The following SLC16A5 variants were observed in gnomAD, a reference collection of about 807,000 sequenced individuals.
SLC16A5 encodes the protein monocarboxylate transporter 6.
A neutral mutation model predicts 33.2 loss-of-function variants in SLC16A5; 29 were observed. The observed-to-expected ratio is 0.87, with a 90% CI of 0.65 to 1.19. The LOEUF is 1.19. SLC16A5 is among the 50% of genes most tolerant of loss of function. SLC16A5 has a pLI of 0.00. For missense variants in SLC16A5, 606 were observed against 678.2 expected (o/e 0.89, Z 1.18); for synonymous variants, 248 against 284.1 (o/e 0.87, Z 1.28).
intron 2 of SLC16A5, among the ~76,000 whole-genome samples, chr17:75,092,775 C>T (rs1242606028): frequency 1.3e-5 from 2 of 150,584 alleles, no homozygotes; most frequent in African/African-American, 4.9e-5. Flanking sequence ...TGCGCTGTGA[C>T]TGTGTTTGTG....
intron 3 of SLC16A5, among the ~76,000 whole-genome samples, chr17:75,095,435 C>T (rs2073704699): frequency 6.6e-6 from 1 of 152,244 alleles, no homozygotes; most frequent in South Asian, 2.1e-4. Flanking sequence ...CTCATGTACA[C>T]ATACACGTGT....
chr17:75,090,879 G>A (rs1198036612), intron 2 of SLC16A5, among the ~76,000 whole-genome samples: 1 of 152,166 alleles, frequency 6.6e-6, no homozygotes, highest in Non-Finnish European at 1.5e-5. Flanking sequence ...CCGGAGGGAA[G>A]GTGGGATTCA....
At chr17:75,094,895 A>C (rs1180606960) in intron 3 of SLC16A5, among the ~76,000 whole-genome samples, 1 of 151,974 alleles carries the variant, frequency 6.6e-6, no homozygotes, top group African/African-American at 2.4e-5. Context: ...CCCTGACCCC[A>C]GCGTTGGGAG....
At chr17:75,103,544 G>A (rs918707464) in intron 5 of SLC16A5, among the ~76,000 whole-genome samples, 27 of 151,398 alleles carry the variant, frequency 1.8e-4, no homozygotes, top group African/African-American at 5.8e-4. Context: ...TGGCCAGGCT[G>A]GTCTTGAACT....
intron 3 of SLC16A5, 138 bp from the exon 4 acceptor site, chr17:75,097,900 G>T: frequency 1.1e-6 from 1 of 934,726 alleles, no homozygotes; most frequent in East Asian, 2.9e-5. Flanking sequence ...CATGGCAGGT[G>T]GGTATCAGAA....
At chr17:75,103,831 T>G (rs1486571288) in intron 5 of SLC16A5, 139 bp from the exon 6 acceptor site, 11 of 707,232 alleles carry the variant, frequency 1.6e-5, no homozygotes, top group Non-Finnish European at 2.7e-5. Context: ...TCTTCAAGTA[T>G]CTGTTGAGTG....
chr17:75,099,980 A>G (rs2073768483), intron 4 of SLC16A5, 27 bp from the exon 5 acceptor site: 6 of 1,590,900 alleles, frequency 3.8e-6, no homozygotes, highest in Non-Finnish European at 5.1e-6. Flanking sequence ...GTGCGCCTCC[A>G]GGCTGGTTTC....
At chr17:75,094,684 C>CAAAAA (rs10642740) in intron 3 of SLC16A5, among the ~76,000 whole-genome samples, 157 of 139,528 alleles carry the variant, frequency 1.1e-3, no homozygotes, top group African/African-American at 3.9e-3. Context: ...GAAACTGTCT[C>CAAAAA]AAAAAAAAAA....
Position 75,100,172 on chromosome 17 carries a change from G to T in SLC16A5, c.509G>T (p.Gly170Val), listed in dbSNP as rs762787336. ...RYLLENLGWR[G>V]TFLVFGGIFL... ...CTTCTGGAGAACCTGGGCTGGAGGG[G>T]TACCTTCCTTGTCTTCGGCGGGATC... The change falls in exon 5 of 7, where the codon GGT becomes GTT. Residue 170 changes from glycine to valine, a missense_variant. By Grantham distance (109) the Gly-to-Val change is moderately radical (BLOSUM62 -3). Transcript: ENST00000329783. 4 of 1,614,250 alleles carry T rather than the reference G, an allele frequency of 2.5e-6. No individual in the cohort carries two copies. The highest frequency in any genetic ancestry group is 3.4e-6 in the Non-Finnish European group (4 of 1,180,038).
chr17:75,105,418 T>C, intron 6 of SLC16A5: 1 of 985,400 alleles, frequency 1.0e-6, no homozygotes, highest in Non-Finnish European at 1.2e-6. Flanking sequence ...CAAGGGAAGC[T>C]CTTTTACTCC....
At chr17:75,097,183 GACAC>G (rs1161583894) in intron 3 of SLC16A5, among the ~76,000 whole-genome samples, 3 of 152,018 alleles carry the variant, frequency 2.0e-5, no homozygotes, top group Non-Finnish European at 4.4e-5. Flanking sequence ...CTCCACCGCA[GACAC>G]ACACAAGCAT....
rs2073762529 is a variant in SLC16A5, at chr17:75,099,529, C to T, written c.344-478C>T. Among the ~76,000 whole-genome samples the T allele has an allele frequency of 2.6e-5, 4 of 152,204 alleles. No homozygotes were observed. The South Asian group carries it at 8.3e-4, about 31-fold the overall frequency. On this transcript the variant is annotated intron_variant, in intron 4 of 6. Coordinates refer to ENST00000329783, the MANE Select transcript of SLC16A5 (RefSeq NM_004695.4). The stretch of plus-strand genomic sequence containing the variant: ...CAACCTCAGCTCACTGCAACCTCCA[C>T]TTCCCGGGTTCAAGTGATTCTCCTG...
chr17:75,105,020 C>G (rs1232960784), intron 6 of SLC16A5: 14 of 985,354 alleles, frequency 1.4e-5, no homozygotes, highest in Non-Finnish European at 1.7e-5. Context: ...CTAGGTTCCT[C>G]CTGCCCTGCT....
chr17:75,098,754 GAA>G (rs963507162), intron 4 of SLC16A5, among the ~76,000 whole-genome samples: 2 of 152,142 alleles, frequency 1.3e-5, no homozygotes, highest in East Asian at 1.9e-4. Flanking sequence ...ATCTAGGAAA[GAA>G]GAGAAAAAGG....
chr17:75,104,404 C>A, intron 6 of SLC16A5: 1 of 1,357,384 alleles, frequency 7.4e-7, no homozygotes, highest in Non-Finnish European at 9.5e-7. Flanking sequence ...CTGAAGATGC[C>A]CTGAGAAACT....
In SLC16A5 at chr17:75,090,395, G is replaced by C. The variant is rs527314183; in HGVS notation, c.-49+1091G>C. On this transcript the variant is annotated intron_variant, in intron 2 of 6. Transcript: ENST00000329783. ...ACAGGGAAGGCCATGTCTGCAGTGG[G>C]GGTCCCAGAGAGGCGGGGGAAGGGG... 53 of 152,484 alleles carry C rather than the reference G, an allele frequency of 3.5e-4. 1 individual carries two copies. Among genetic ancestry groups the C allele is most frequent in the African/African-American group, 1.3e-3 (53 of 41,528 alleles). 9.4% of individuals were successfully genotyped at this position (152,484 alleles called of 1,614,324 possible). A position where few individuals can be genotyped will look rare whatever the true frequency, so the allele number is the denominator to read the frequency against.
chr17:75,089,755 G>GAAAAAAAAACAAAA (rs2073613073), intron 2 of SLC16A5: 1 of 88,874 alleles, frequency 1.1e-5, no homozygotes, highest in African/African-American at 3.9e-5. Context: ...CTTCATCTCA[G>GAAAAAAAAACAAAA]AAAAAAAAAA....
intron 6 of SLC16A5, chr17:75,104,969 T>C: frequency 1.0e-6 from 1 of 985,474 alleles, no homozygotes; most frequent in Non-Finnish European, 1.2e-6. Context: ...TCTCTTTGTC[T>C]TTCTCTGGCC....
rs902098587 is a variant in SLC16A5, at chr17:75,093,904, C to T, written c.199+69C>T. 3.1e-5 allele frequency: 48 copies of T among 1,550,698 alleles called. No homozygotes were observed. The Admixed American group carries it at 8.9e-4, about 29-fold the overall frequency. On this transcript the variant is annotated intron_variant, in intron 3 of 6. Transcript: ENST00000329783. ...GCGGGGAAGCCACAACCTCCCTGGC[C>T]TTCTGATTCCCTCTCTCTGAGGCCA...
Sources: gnomAD v4.1 joint callset for allele counts (sites outside exome capture counted in the v4.1 genomes callset) on GRCh38, gnomAD v4.1.1 for gene constraint, MANE v1.5 for transcripts, NCBI Gene and HGNC (gene_info 2026-07-23, HGNC 2026-07-21) for gene names.